The following CTNNA2 variants were observed in gnomAD, a reference collection of about 807,000 sequenced individuals.
The protein encoded by CTNNA2 is catenin alpha-2.
A neutral mutation model predicts 101.0 loss-of-function variants in CTNNA2; 42 were observed. The ratio of observed to expected loss-of-function variants is 0.42; its 90% CI spans 0.32 to 0.54. The LOEUF (loss-of-function observed/expected upper bound fraction) is 0.54, where lower values mean the gene tolerates loss of function less well. Ranked by LOEUF, CTNNA2 falls within the 20% of genes least tolerant of loss-of-function variation. The pLI, the probability that CTNNA2 is intolerant of heterozygous loss-of-function variation, is 0.14. For missense variants in CTNNA2, 871 were observed against 1,223.1 expected, an observed-to-expected ratio of 0.71 and a Z score of 4.29; for synonymous variants, 450 against 456.4, an observed-to-expected ratio of 0.99 and a Z score of 0.18.
At chr2:80,477,195 A>G (rs757441082) in intron 9 of CTNNA2, among the ~76,000 whole-genome samples, 2 of 152,226 alleles carry the variant, frequency 1.3e-5, no homozygotes, top group Non-Finnish European at 2.9e-5. Context: ...ACGCACACAT[A>G]CATACACAGA....
intron 7 of CTNNA2, among the ~76,000 whole-genome samples, chr2:80,160,894 G>GT (rs551552772): frequency 0.02 from 2,837 of 144,340 alleles, 81 homozygotes; most frequent in African/African-American, 0.058. Context: ...GTTGACTATA[G>GT]TTTTTTTTTT....
intron 7 of CTNNA2, among the ~76,000 whole-genome samples, chr2:79,983,014 G>A (rs1691495669): frequency 6.6e-6 from 1 of 151,680 alleles, no homozygotes; most frequent in Non-Finnish European, 1.5e-5. Flanking sequence ...AATAATTGAT[G>A]GCCACTGGTT....
intron 7 of CTNNA2, among the ~76,000 whole-genome samples, chr2:80,216,699 G>A (rs778456810): frequency 4.6e-5 from 7 of 152,116 alleles, no homozygotes; most frequent in Non-Finnish European, 1.0e-4. Flanking sequence ...CCTCCAGAAC[G>A]GTGAGAAACA....
intron 7 of CTNNA2, among the ~76,000 whole-genome samples, chr2:79,999,986 G>T (rs1454935380): frequency 6.6e-6 from 1 of 152,158 alleles, no homozygotes; most frequent in African/African-American, 2.4e-5. Flanking sequence ...GGGAGGAACT[G>T]CAGTAATTCA....
intron 4 of CTNNA2, among the ~76,000 whole-genome samples, chr2:79,408,495 C>T (rs1179778428): frequency 6.8e-6 from 1 of 147,366 alleles, no homozygotes; most frequent in Non-Finnish European, 1.5e-5. Context: ...TGATGTTCCC[C>T]TTTCTGTGTC....
intron 3 of CTNNA2, among the ~76,000 whole-genome samples, chr2:79,824,313 C>A (rs1341768880): frequency 1.3e-5 from 2 of 152,094 alleles, no homozygotes; most frequent in African/African-American, 4.8e-5. Context: ...GTTATCATGC[C>A]TGAAGCATGG....
intron 1 of CTNNA2, among the ~76,000 whole-genome samples, chr2:79,186,293 C>G (rs1483931266): frequency 6.6e-6 from 1 of 152,098 alleles, no homozygotes; most frequent in African/African-American, 2.4e-5. Flanking sequence ...ATGAATTTAT[C>G]CATCTACTCA....
intron 1 of CTNNA2, among the ~76,000 whole-genome samples, chr2:79,613,282 G>A (rs1382775946): frequency 1.3e-5 from 2 of 151,648 alleles, no homozygotes; most frequent in Non-Finnish European, 2.9e-5. Context: ...GATTTTCTGG[G>A]ATACGTTTGT....
At chr2:80,329,496 G>A (rs533650101) in intron 7 of CTNNA2, among the ~76,000 whole-genome samples, 2 of 152,312 alleles carry the variant, frequency 1.3e-5, no homozygotes, top group Non-Finnish European at 2.9e-5. Flanking sequence ...TTTGGTCAAA[G>A]AGCAGACACA....
At chr2:79,527,491 A>G (rs981991611) in intron 1 of CTNNA2, among the ~76,000 whole-genome samples, 2 of 151,034 alleles carry the variant, frequency 1.3e-5, no homozygotes, top group Non-Finnish European at 3.0e-5. Flanking sequence ...AAAAAAAAAA[A>G]AAAATTAACC....
chr2:79,399,335 C>A (rs1321101106), intron 4 of CTNNA2, among the ~76,000 whole-genome samples: 1 of 151,972 alleles, frequency 6.6e-6, no homozygotes, highest in African/African-American at 2.4e-5. Context: ...TGGCCTATAT[C>A]AGGTAAGATT....
rs75471888 is a variant in CTNNA2 at position 79,983,905 on chromosome 2, A to G, written c.1056+74108A>G. Among the ~76,000 whole-genome samples the G allele has an allele frequency of 3.2e-3, 494 of 152,312 alleles. 4 individuals are homozygous for G. Among genetic ancestry groups the G allele is most frequent in the African/African-American group, 0.011 (463 of 41,564 alleles). On this transcript the variant is annotated intron_variant, in intron 7 of 18. Transcript: ENST00000402739. ...TTATACCATGCTCCTGAGAGAAAAT[A>G]TAATCCAAATTGCACTGAAAACTTT...
chr2:79,575,695 A>G (rs1221657306), intron 1 of CTNNA2: 5 of 152,214 alleles, frequency 3.3e-5, no homozygotes, highest in Admixed American at 6.5e-5. Context: ...AATACTCATC[A>G]CAATGCAGCT....
intron 5 of CTNNA2, among the ~76,000 whole-genome samples, chr2:79,870,802 T>G (rs1682531804): frequency 6.6e-6 from 1 of 152,092 alleles, no homozygotes. Context: ...ACTCACTCAC[T>G]ATCACGAGAA....
chr2:79,748,139 T>A (rs1286972325), intron 3 of CTNNA2, among the ~76,000 whole-genome samples: 1 of 152,210 alleles, frequency 6.6e-6, no homozygotes, highest in Non-Finnish European at 1.5e-5. Flanking sequence ...AGCTCGTCAT[T>A]ATGTAATCCC....
intron 7 of CTNNA2, among the ~76,000 whole-genome samples, chr2:80,008,355 A>G (rs1693526167): frequency 6.6e-6 from 1 of 152,196 alleles, no homozygotes; most frequent in Non-Finnish European, 1.5e-5. Context: ...GGTGAGGAGT[A>G]ATGAGTTTCC....
chr2:79,208,518 G>A (rs1440367638), intron 2 of CTNNA2, among the ~76,000 whole-genome samples: 3 of 152,170 alleles, frequency 2.0e-5, no homozygotes, highest in Non-Finnish European at 4.4e-5. Context: ...GAAAGTATAC[G>A]TACTTGGAAT....
intron 7 of CTNNA2, among the ~76,000 whole-genome samples, chr2:80,204,218 G>T (rs1707386589): frequency 1.3e-5 from 2 of 152,168 alleles, no homozygotes; most frequent in Non-Finnish European, 2.9e-5. Flanking sequence ...TTAACATTTG[G>T]CTCCTCATTA....
chr2:79,713,837 ATTATTAC>A (rs1685898027), intron 2 of CTNNA2, among the ~76,000 whole-genome samples: 2 of 152,196 alleles, frequency 1.3e-5, no homozygotes, highest in Non-Finnish European at 2.9e-5. Flanking sequence ...AAGTACATTA[ATTATTAC>A]TTACGCCCAA....
Sources: allele counts gnomAD v4.1 joint callset (sites outside exome capture counted in the v4.1 genomes callset), GRCh38; gene constraint gnomAD v4.1.1; transcripts MANE v1.5; gene names NCBI Gene and HGNC (gene_info 2026-07-23, HGNC 2026-07-21).